The following TMEM245 variants were observed in gnomAD, a reference collection of about 807,000 sequenced individuals.
The protein encoded by TMEM245 is protein CG-2.
A neutral mutation model predicts 101.2 loss-of-function variants in TMEM245; 69 were observed. That is an observed-to-expected ratio of 0.68 (90% confidence interval 0.56 to 0.83). The LOEUF is 0.83. Among genes scored for constraint, TMEM245 ranks in the 40% least tolerant of loss-of-function variants. The probability of loss-of-function intolerance (pLI) is 0.00; values close to 1 mark genes in which losing one functional copy is unlikely to be tolerated. For missense variants in TMEM245, 1,075 were observed against 1,092.8 expected, an observed-to-expected ratio of 0.98 and a Z score of 0.23; for synonymous variants, 537 against 449.8, an observed-to-expected ratio of 1.19 and a Z score of -2.45.
rs190023459 is a variant in TMEM245 at position 109,029,368 on chromosome 9, T to C, written c.2594+3939A>G. On this transcript the variant is annotated intron_variant, in intron 17 of 17. Transcript: ENST00000374586. ...CAAGTGCCCATCAGGACAGAAACCG[T>C]AGATAAACAAAAAGATCTTATATGT... Among the ~76,000 whole-genome samples the C allele has an allele frequency of 1.7e-3, 261 of 152,290 alleles. 1 individual carries two copies. Among genetic ancestry groups the C allele is most frequent in the African/African-American group, 5.8e-3 (243 of 41,574 alleles).
Position 109,093,367 on chromosome 9 carries a change from GAT to G in TMEM245, c.916+106_916+107del, listed in dbSNP as rs1413526082. 4.7e-6 allele frequency: 4 copies of G among 854,406 alleles called. No homozygotes were observed. The East Asian group carries it at 9.9e-5, about 21-fold the overall frequency. The allele number at this position is 854,406 out of a possible 1,614,324, so 52.9% of individuals were successfully genotyped here. ...TAGGAACCAAAGAGAATAAATGAAG[GAT>G]CAGCAGGAGTAAGTAGCATTTTGTG... On this transcript the variant is annotated intron_variant, in intron 4 of 17. Transcript: ENST00000374586.
At chr9:109,032,257 T>A (rs1442664695) in intron 17 of TMEM245, among the ~76,000 whole-genome samples, 2 of 152,000 alleles carry the variant, frequency 1.3e-5, no homozygotes, top group Non-Finnish European at 2.9e-5. Flanking sequence ...ATTTAACATA[T>A]GGTCCATGTT....
intron 9 of TMEM245, among the ~76,000 whole-genome samples, chr9:109,071,491 C>T (rs1829331747): frequency 1.3e-5 from 2 of 151,562 alleles, no homozygotes; most frequent in Admixed American, 1.3e-4. Flanking sequence ...GTAGTCCCAG[C>T]TACTCAGGAG....
chr9:109,098,191 C>T (rs541063359), intron 3 of TMEM245, among the ~76,000 whole-genome samples: 5 of 152,084 alleles, frequency 3.3e-5, no homozygotes, highest in Admixed American at 2.0e-4. Flanking sequence ...CTGAAAGATT[C>T]GAGAAAAAGC....
chr9:109,104,154 A>C (rs2132628221), intron 3 of TMEM245, among the ~76,000 whole-genome samples: 1 of 152,284 alleles, frequency 6.6e-6, no homozygotes, highest in Admixed American at 6.5e-5. Flanking sequence ...GACTATAGTC[A>C]ATAATTTAAC....
chr9:109,119,515 G>C lies in TMEM245; in HGVS notation c.399C>G (p.Tyr133Ter). The change falls in exon 1 of 18, where the codon TAC (tyrosine) becomes TAG (stop). Residue 133 changes from tyrosine to a stop codon, truncating the protein, a stop_gained. Coordinates refer to ENST00000374586, the MANE Select transcript of TMEM245 (RefSeq NM_032012.4). LOFTEE classifies it high-confidence loss of function. ...ALLLPLCFVD[Y>*]GVEALGEQAL... ...CCTGCTCGCCCAGGGCCTCGACGCC[G>C]TAGTCGACGAAGCAGAGCGGCAGGA... 6.6e-7 allele frequency: 1 copy of C among 1,522,964 alleles called. No homozygotes were observed. The highest frequency in any genetic ancestry group is 8.8e-7 in the Non-Finnish European group (1 of 1,141,216). 94.3% of individuals were successfully genotyped at this position (1,522,964 alleles called of 1,614,324 possible). A position where few individuals can be genotyped will look rare whatever the true frequency, so the allele number is the denominator to read the frequency against.
chr9:109,066,727 TATAATG>T (rs1411394816), intron 9 of TMEM245, among the ~76,000 whole-genome samples: 1 of 151,834 alleles, frequency 6.6e-6, no homozygotes, highest in Admixed American at 6.6e-5. Context: ...TATTATATAT[TATAATG>T]ATAACACTCT....
Position 109,119,922 on chromosome 9 carries a change from C to A in TMEM245, c.-9G>T, listed in dbSNP as rs764696658. On this transcript the variant is annotated 5_prime_UTR_variant, in exon 1 of 18. Transcript: ENST00000374586. ...CCGCCGCCGTCGGCCATCGTTCCTC[C>A]GCCACAGCCGCCCCCGAGGGGCGGT... 7.8e-7 allele frequency: 1 copy of A among 1,285,626 alleles called. No homozygotes were observed. 79.6% of individuals were successfully genotyped at this position (1,285,626 alleles called of 1,614,324 possible).
chr9:109,077,227 T>C (rs1016238366), intron 8 of TMEM245, among the ~76,000 whole-genome samples: 1 of 151,918 alleles, frequency 6.6e-6, no homozygotes, highest in African/African-American at 2.4e-5. Context: ...CACAGCTCAC[T>C]GCAGCCTCAA....
At chr9:109,033,092 C>T (rs565027331) in intron 17 of TMEM245, among the ~76,000 whole-genome samples, 1 of 152,332 alleles carries the variant, frequency 6.6e-6, no homozygotes, top group African/African-American at 2.4e-5. Flanking sequence ...AGCCACTGCT[C>T]CCGGCCCCAA....
At chr9:109,110,512 A>G (rs1387375979) in intron 1 of TMEM245, among the ~76,000 whole-genome samples, 1 of 152,116 alleles carries the variant, frequency 6.6e-6, no homozygotes, top group East Asian at 1.9e-4. Flanking sequence ...AAAGCTGCTC[A>G]GATTTTCACA....
chr9:109,115,318 T>C lies in TMEM245; in HGVS notation c.579+4017A>G, dbSNP rs188728725. ...GAGATCACACCATTGCACTCCAGCC[T>C]GGGCAACAAGAGCAAAACTCCGTCT... is the stretch of plus-strand genomic sequence containing the variant. On this transcript the variant is annotated intron_variant, in intron 1 of 17. Transcript: ENST00000374586. Among the ~76,000 whole-genome samples, 554 of 151,742 alleles carry C rather than the reference T, an allele frequency of 3.7e-3. 2 individuals carry two copies. Among genetic ancestry groups the C allele is most frequent in the African/African-American group, 0.012 (517 of 41,366 alleles).
At chr9:109,039,556 G>A (rs935011188) in intron 14 of TMEM245, among the ~76,000 whole-genome samples, 1 of 152,058 alleles carries the variant, frequency 6.6e-6, no homozygotes, top group African/African-American at 2.4e-5. Context: ...ATACCCTAGA[G>A]GTAGCTGAAA....
intron 1 of TMEM245, among the ~76,000 whole-genome samples, chr9:109,115,509 T>C (rs1418266654): frequency 6.9e-6 from 1 of 145,814 alleles, no homozygotes; most frequent in African/African-American, 2.5e-5. Flanking sequence ...GATTTTTTCC[T>C]AGTAACTGGA....
chr9:109,038,184 C>A, intron 14 of TMEM245, 67 bp from the exon 15 acceptor site: 3 of 1,226,794 alleles, frequency 2.4e-6, no homozygotes, highest in South Asian at 1.5e-5. Context: ...AGAAAAATCA[C>A]GTGACCACTT....
chr9:109,081,435 T>A (rs535998404), intron 7 of TMEM245, among the ~76,000 whole-genome samples: 1 of 152,244 alleles, frequency 6.6e-6, no homozygotes, highest in South Asian at 2.1e-4. Context: ...AGGAGTTGCA[T>A]TCAAAATATT....
chr9:109,049,023 A>G (rs1019942294), intron 14 of TMEM245, among the ~76,000 whole-genome samples: 2 of 152,130 alleles, frequency 1.3e-5, no homozygotes, highest in African/African-American at 2.4e-5. Flanking sequence ...CAAAGCTAAA[A>G]CTCCTGACAG....
At chr9:109,108,050 C>T (rs959253510) in intron 2 of TMEM245, among the ~76,000 whole-genome samples, 1 of 152,090 alleles carries the variant, frequency 6.6e-6, no homozygotes, top group Non-Finnish European at 1.5e-5. Flanking sequence ...CTCCTTCCCA[C>T]CCTAGAGCCC....
chr9:109,025,716 G>C (rs1337639370), intron 17 of TMEM245, among the ~76,000 whole-genome samples: 1 of 148,406 alleles, frequency 6.7e-6, no homozygotes, highest in Admixed American at 6.7e-5. Context: ...AATCCAGAAA[G>C]TATGCATGAC....
Sources: gnomAD v4.1 joint callset for allele counts (sites outside exome capture counted in the v4.1 genomes callset) on GRCh38, gnomAD v4.1.1 for gene constraint, MANE v1.5 for transcripts, NCBI Gene and HGNC (gene_info 2026-07-23, HGNC 2026-07-21) for gene names.